Variants in SLC39A12 observed in about 807,000 individuals in gnomAD.
SLC39A12 encodes zinc transporter ZIP12.
In SLC39A12, 63 loss-of-function variants were observed where a neutral mutation model predicts 71.1. The observed-to-expected ratio is 0.89, with a 90% CI of 0.72 to 1.09. The LOEUF (loss-of-function observed/expected upper bound fraction) is 1.09. SLC39A12 is among the 50% of genes least tolerant of loss of function. SLC39A12 has a pLI of 0.00. For synonymous variants in SLC39A12, 351 were observed against 301.3 expected (o/e 1.16, Z -1.71); for missense variants, 892 against 812.6 (o/e 1.10, Z -1.19).
intron 9 of SLC39A12, among the ~76,000 whole-genome samples, chr10:17,995,372 G>C (rs575861488): frequency 6.6e-6 from 1 of 152,120 alleles, no homozygotes; most frequent in Non-Finnish European, 1.5e-5. Context: ...CATAATTTAC[G>C]AGTCTGAATT....
intron 12 of SLC39A12, among the ~76,000 whole-genome samples, chr10:18,011,867 T>G (rs950243069): frequency 1.3e-5 from 2 of 152,170 alleles, no homozygotes; most frequent in Non-Finnish European, 2.9e-5. Context: ...CACTGGGAAG[T>G]GATAGACATA....
rs950056461 is a variant in SLC39A12, at chr10:18,005,979, G to C, written c.1947+2621G>C. Reference sequence around the variant, plus strand: ...CACATAGCAATAAGTTTAACTGTTGGTTTTCTCTGGGGCCATGCCAAAGAA... The same window carrying C: ...CACATAGCAATAAGTTTAACTGTTGCTTTTCTCTGGGGCCATGCCAAAGAA... On this transcript the variant is annotated intron_variant, in intron 12 of 12. Transcript: ENST00000377369. 3 of 152,130 alleles carry C rather than the reference G, an allele frequency of 2.0e-5. No homozygotes were observed. In the East Asian group the frequency reaches 5.8e-4, roughly 29 times the overall value. 9.4% of individuals were successfully genotyped at this position (152,130 alleles called of 1,614,324 possible).
At chr10:17,979,823 G>A (rs1304433348) in intron 5 of SLC39A12, among the ~76,000 whole-genome samples, 2 of 152,124 alleles carry the variant, frequency 1.3e-5, no homozygotes, top group Admixed American at 6.5e-5. Context: ...GACCCAAGAG[G>A]CACCATCTGT....
At chr10:18,037,524 T>C (rs1204781627) in intron 12 of SLC39A12, among the ~76,000 whole-genome samples, 1 of 152,180 alleles carries the variant, frequency 6.6e-6, no homozygotes, top group Non-Finnish European at 1.5e-5. Flanking sequence ...TGAGCTGTTA[T>C]CCTCTCTGAG....
chr10:17,965,474 T>C lies in SLC39A12; in HGVS notation c.544-9T>C. The C allele has an allele frequency of 6.2e-7, 1 of 1,612,372 alleles. No individual in the cohort carries two copies. The highest frequency in any genetic ancestry group is 8.5e-7 in the Non-Finnish European group (1 of 1,178,700). ...TACAATTTTCTCTTTATTTTGTATC[T>C]GATTTCAGTGTATGGAAACCAAAAC... On this transcript the variant is annotated splice_polypyrimidine_tract_variant and intron_variant, in intron 3 of 12. Transcript: ENST00000377369.
At chr10:17,998,428 T>A (rs1023319200) in intron 10 of SLC39A12, among the ~76,000 whole-genome samples, 5 of 152,232 alleles carry the variant, frequency 3.3e-5, no homozygotes, top group Non-Finnish European at 7.3e-5. Flanking sequence ...TAAGTTTTTT[T>A]AAATTTCCTT....
At chr10:18,041,504 A>AT (rs1170599962) in intron 12 of SLC39A12, among the ~76,000 whole-genome samples, 2 of 132,218 alleles carry the variant, frequency 1.5e-5, no homozygotes, top group Non-Finnish European at 3.2e-5. Context: ...TCAAAAAAAA[A>AT]AAACTTTATA....
At chr10:18,016,452 C>T (rs1836387745) in intron 12 of SLC39A12, among the ~76,000 whole-genome samples, 1 of 152,174 alleles carries the variant, frequency 6.6e-6, no homozygotes, top group African/African-American at 2.4e-5. Context: ...TGCAGTACAT[C>T]CAAATTTGGT....
chr10:18,025,879 G>T (rs1836664595), intron 12 of SLC39A12, among the ~76,000 whole-genome samples: 1 of 152,010 alleles, frequency 6.6e-6, no homozygotes, highest in Admixed American at 6.6e-5. Flanking sequence ...TATTTTAGTG[G>T]TTGTGCTAGA....
chr10:17,967,534 A>G (rs565706416), intron 4 of SLC39A12, among the ~76,000 whole-genome samples: 1 of 152,302 alleles, frequency 6.6e-6, no homozygotes, highest in East Asian at 1.9e-4. Context: ...GACAGTTTTT[A>G]AAATAATAAC....
chr10:18,011,596 C>T (rs1441793802), intron 12 of SLC39A12, among the ~76,000 whole-genome samples: 1 of 152,104 alleles, frequency 6.6e-6, no homozygotes, highest in Admixed American at 6.5e-5. Flanking sequence ...CATCCTAACC[C>T]CCACATTGTT....
chr10:18,033,205 G>C (rs372386712), intron 12 of SLC39A12, among the ~76,000 whole-genome samples: 1 of 143,180 alleles, frequency 7.0e-6, no homozygotes, highest in East Asian at 2.2e-4. Context: ...CTATTGATTG[G>C]AATAGTTTCA....
chr10:18,021,813 G>C (rs1052301262), intron 12 of SLC39A12, among the ~76,000 whole-genome samples: 1 of 152,140 alleles, frequency 6.6e-6, no homozygotes, highest in Non-Finnish European at 1.5e-5. Context: ...GTCAGGTCTG[G>C]TGGTTACAAA....
At chr10:18,014,967 A>G (rs1426897853) in intron 12 of SLC39A12, among the ~76,000 whole-genome samples, 2 of 152,218 alleles carry the variant, frequency 1.3e-5, no homozygotes, top group Non-Finnish European at 2.9e-5. Context: ...TTCATGGTAA[A>G]GCACTACAAC....
At chr10:17,999,100 C>T (rs1835761372) in intron 10 of SLC39A12, among the ~76,000 whole-genome samples, 1 of 151,774 alleles carries the variant, frequency 6.6e-6, no homozygotes, top group Non-Finnish European at 1.5e-5. Context: ...AGTTCGAGAC[C>T]AGCCTGACCA....
intron 6 of SLC39A12, among the ~76,000 whole-genome samples, chr10:17,986,471 G>C (rs533573510): frequency 6.6e-6 from 1 of 152,208 alleles, no homozygotes; most frequent in East Asian, 1.9e-4. Flanking sequence ...TCTCGTTCCT[G>C]GTTCATGGAC....
At chr10:18,042,613 T>G in intron 12 of SLC39A12, 92 bp from the exon 13 acceptor site, 1 of 1,296,634 alleles carries the variant, frequency 7.7e-7, no homozygotes, top group South Asian at 1.6e-5. Context: ...GTTATTAAGT[T>G]CTGAATAACA....
chr10:17,954,280 G>A (rs1439686980), intron 2 of SLC39A12, among the ~76,000 whole-genome samples: 2 of 152,244 alleles, frequency 1.3e-5, no homozygotes, highest in African/African-American at 2.4e-5. Context: ...GTGAGACAGA[G>A]TCTCGCCCTG....
At chr10:17,988,759 G>A (rs182397215) in intron 7 of SLC39A12, among the ~76,000 whole-genome samples, 5 of 152,276 alleles carry the variant, frequency 3.3e-5, no homozygotes, top group South Asian at 2.1e-4. Flanking sequence ...TCCGGCGTCC[G>A]CTCTAGAAGT....
Sources: allele counts gnomAD v4.1 joint callset (sites outside exome capture counted in the v4.1 genomes callset), GRCh38; gene constraint gnomAD v4.1.1; transcripts MANE v1.5; gene names NCBI Gene and HGNC (gene_info 2026-07-23, HGNC 2026-07-21).